The following GNB1 variants were observed in gnomAD, a reference collection of about 807,000 sequenced individuals.
GNB1 encodes G protein subunit beta 1, also known as guanine nucleotide-binding protein G(I)/G(S)/G(T) subunit beta-1.
In GNB1, 2 loss-of-function variants were observed where a neutral mutation model predicts 42.9. That is an observed-to-expected ratio of 0.05 (90% CI 0.02 to 0.15). The LOEUF is 0.15. Among genes scored for constraint, GNB1 ranks in the 10% least tolerant of loss-of-function variants. The pLI is 1.00. For missense variants in GNB1, 193 were observed against 462.2 expected, an observed-to-expected ratio of 0.42 and a Z score of 5.34; for synonymous variants, 183 against 174.7, an observed-to-expected ratio of 1.05 and a Z score of -0.38.
chr1:1,873,926 C>A (rs573273928), intron 1 of GNB1, among the ~76,000 whole-genome samples: 2 of 152,106 alleles, frequency 1.3e-5, no homozygotes, highest in African/African-American at 4.8e-5. Context: ...AGGCAGGCAG[C>A]GTGGGGACTA....
intron 5 of GNB1, among the ~76,000 whole-genome samples, chr1:1,810,511 G>T (rs1013862671): frequency 7.4e-6 from 1 of 134,544 alleles, no homozygotes; most frequent in African/African-American, 2.8e-5. Flanking sequence ...ATTCTAGCCT[G>T]GACGACAGAG....
Position 1,825,380 on chromosome 1 carries a change from C to T in GNB1, c.57+17G>A, listed in dbSNP as rs1176748830. On this transcript the variant is annotated intron_variant, in intron 3 of 11. Transcript: ENST00000378609. ...AACTCAAATGATTAATAAAACCAAG[C>T]ACACACAACTACATACTCGAATCTG... The T allele has an allele frequency of 4.4e-6, 7 of 1,583,064 alleles. No homozygotes were observed. The Admixed American group carries it at 1.2e-4, about 26-fold the overall frequency.
At chr1:1,890,787 CCCGGGT>C (rs1384245661) in intron 1 of GNB1, 27 bp downstream of exon 1, 5 of 148,482 alleles carry the variant, frequency 3.4e-5, no homozygotes, top group Admixed American at 1.3e-4. Flanking sequence ...ACGAACAGGA[CCCGGGT>C]CCGGGGCTGG....
intron 2 of GNB1, among the ~76,000 whole-genome samples, chr1:1,826,943 G>A (rs544103963): frequency 6.6e-6 from 1 of 152,304 alleles, no homozygotes; most frequent in South Asian, 2.1e-4. Flanking sequence ...TGAGGACACA[G>A]TTGCTAATGT....
chr1:1,867,451 A>G (rs1649006218), intron 1 of GNB1, among the ~76,000 whole-genome samples: 1 of 152,150 alleles, frequency 6.6e-6, no homozygotes, highest in African/African-American at 2.4e-5. Flanking sequence ...TGGAGCTTAT[A>G]TTTTAGTGGC....
intron 2 of GNB1, among the ~76,000 whole-genome samples, chr1:1,835,922 GAAAAA>G (rs59271649): frequency 5.6e-5 from 5 of 88,676 alleles, no homozygotes; most frequent in South Asian, 4.5e-4. Context: ...ATTAAAAAAA[GAAAAA>G]AAAAAAAAAA....
chr1:1,819,917 T>C (rs1646908808), intron 3 of GNB1, among the ~76,000 whole-genome samples: 1 of 152,236 alleles, frequency 6.6e-6, no homozygotes, highest in African/African-American at 2.4e-5. Context: ...AAATGGCATG[T>C]GCAGCCCTTA....
At chr1:1,807,880 T>A (rs1423629650) in intron 5 of GNB1, among the ~76,000 whole-genome samples, 1 of 151,980 alleles carries the variant, frequency 6.6e-6, no homozygotes, top group Non-Finnish European at 1.5e-5. Context: ...GCTAATTCTT[T>A]TTGTATTTTT....
chr1:1,791,146 C>G (rs3737626), intron 8 of GNB1, among the ~76,000 whole-genome samples: 1 of 151,406 alleles, frequency 6.6e-6, no homozygotes, highest in African/African-American at 2.4e-5. Flanking sequence ...AGGAGAGCAG[C>G]TGAGTTCTCA....
rs1352035167 is a variant in GNB1, at chr1:1,804,000, AAAAG to A, written c.430+415_430+418del. 8.8e-4 allele frequency among the ~76,000 whole-genome samples: 108 copies of A among 123,316 alleles called. 43 individuals carry two copies. The highest frequency in any genetic ancestry group is 1.3e-3 in the Non-Finnish European group (76 of 59,988). 80.9% of individuals were successfully genotyped at this position (123,316 alleles called of 152,430 possible). A position where few individuals can be genotyped will look rare whatever the true frequency, so the allele number is the denominator to read the frequency against. The stretch of plus-strand genomic sequence containing the variant: ...CTGTCTTTAAAAAAAAAAAAAAAAA[AAAAG>A]AAAAAAAGGCTGGGTGTGGTGGCTC... On this transcript the variant is annotated intron_variant, in intron 7 of 11. Transcript: ENST00000378609.
rs1379882820 is a variant in GNB1 at position 1,793,274 on chromosome 1, C to G, written c.468G>C (p.Gln156His). ...TGGTGTCTCCAGAGCTGGTGACGATCTGATTGTCATCCAGGAATCGGCAGC... is the reference window on the plus strand; with the variant it reads ...TGGTGTCTCCAGAGCTGGTGACGATGTGATTGTCATCCAGGAATCGGCAGC... The part of the protein sequence containing the change: ...LSCCRFLDDN[Q>H]IVTSSGDTTC... The change falls in exon 8 of 12, where the codon CAG becomes CAC. Residue 156 changes from glutamine (Q) to histidine (H), a missense_variant. Physicochemically the swap from Gln to His is conservative, Grantham distance 24. Coordinates refer to ENST00000378609, the MANE Select transcript of GNB1 (RefSeq NM_002074.5). 1 of 1,613,224 alleles carries G rather than the reference C, an allele frequency of 6.2e-7. No individual in the cohort carries two copies. Among genetic ancestry groups the G allele is most frequent in the African/African-American group, 1.3e-5 (1 of 74,904 alleles).
intron 1 of GNB1, among the ~76,000 whole-genome samples, chr1:1,888,623 A>C (rs1368031473): frequency 1.3e-5 from 2 of 152,148 alleles, no homozygotes; most frequent in Non-Finnish European, 2.9e-5. Flanking sequence ...GAATCACCTG[A>C]GGTCTGGAGT....
intron 2 of GNB1, among the ~76,000 whole-genome samples, chr1:1,833,386 C>T (rs184989306): frequency 8.5e-5 from 13 of 152,132 alleles, no homozygotes; most frequent in Admixed American, 1.3e-4. Context: ...CAAAGGGCAA[C>T]GGAAAAAGTC....
chr1:1,792,738 C>A (rs1385996596), intron 8 of GNB1, among the ~76,000 whole-genome samples: 1 of 150,864 alleles, frequency 6.6e-6, no homozygotes, highest in Non-Finnish European at 1.5e-5. Flanking sequence ...TTTTAGTTCT[C>A]AGCTGCTGAA....
chr1:1,856,001 A>C (rs1391436749), intron 1 of GNB1, among the ~76,000 whole-genome samples: 1 of 152,202 alleles, frequency 6.6e-6, no homozygotes, highest in Non-Finnish European at 1.5e-5. Flanking sequence ...GCAGCCTCCC[A>C]AATTTTTTTA....
chr1:1,800,402 T>A (rs1281353176), intron 7 of GNB1, among the ~76,000 whole-genome samples: 1 of 152,218 alleles, frequency 6.6e-6, no homozygotes, highest in African/African-American at 2.4e-5. Flanking sequence ...ACCTGCTGGA[T>A]AGCCTTAGTT....
chr1:1,793,375 T>C (rs778069065), intron 7 of GNB1, 64 bp from the exon 8 acceptor site: 11 of 1,101,128 alleles, frequency 1.0e-5, no homozygotes, highest in African/African-American at 6.1e-5. Flanking sequence ...GCCTCATACA[T>C]AGAGAAACAC....
At chr1:1,887,866 C>T (rs1650243443) in intron 1 of GNB1, among the ~76,000 whole-genome samples, 6 of 152,174 alleles carry the variant, frequency 3.9e-5, no homozygotes, top group Admixed American at 3.9e-4. Flanking sequence ...CCGCCCGCCT[C>T]CACCTCCCAA....
At chr1:1,855,321 C>CAAA (rs371204734) in intron 1 of GNB1, among the ~76,000 whole-genome samples, 6 of 99,596 alleles carry the variant, frequency 6.0e-5, no homozygotes, top group African/African-American at 1.9e-4. Flanking sequence ...GACACTGTGT[C>CAAA]AAAAAAAAAA....
Sources: gnomAD v4.1 joint callset for allele counts (sites outside exome capture counted in the v4.1 genomes callset) on GRCh38, gnomAD v4.1.1 for gene constraint, MANE v1.5 for transcripts, NCBI Gene and HGNC (gene_info 2026-07-23, HGNC 2026-07-21) for gene names.